The following ZBTB20 variants were observed in gnomAD, a reference collection of about 807,000 sequenced individuals.
ZBTB20 encodes zinc finger and BTB domain containing 20.
ZBTB20 carries 9 observed loss-of-function variants against 56.9 expected under a neutral mutation model. That is an observed-to-expected ratio of 0.16 (90% CI 0.10 to 0.28). The LOEUF (loss-of-function observed/expected upper bound fraction) is 0.28, where lower values mean the gene tolerates loss of function less well. Ranked by LOEUF, ZBTB20 falls within the 10% of genes least tolerant of loss-of-function variation. The probability of loss-of-function intolerance (pLI) is 1.00; values close to 1 mark genes in which losing one functional copy is unlikely to be tolerated. For missense variants in ZBTB20, 655 were observed against 1,003.0 expected (o/e 0.65, Z 4.69); for synonymous variants, 417 against 420.7 (o/e 0.99, Z 0.11).
At chr3:114,882,387 T>A (rs2076431297) in intron 4 of ZBTB20, among the ~76,000 whole-genome samples, 1 of 151,976 alleles carries the variant, frequency 6.6e-6, no homozygotes, top group Admixed American at 6.5e-5. Flanking sequence ...GAAGGAAAAT[T>A]TTTAACAGGC....
At chr3:114,418,759 A>G (rs1165527427) in intron 7 of ZBTB20, among the ~76,000 whole-genome samples, 1 of 152,096 alleles carries the variant, frequency 6.6e-6, no homozygotes, top group African/African-American at 2.4e-5. Context: ...TACTTTCAAT[A>G]TAATTATAAG....
At chr3:115,108,830 A>G (rs1232901775) in intron 1 of ZBTB20, among the ~76,000 whole-genome samples, 1 of 152,132 alleles carries the variant, frequency 6.6e-6, no homozygotes, top group Non-Finnish European at 1.5e-5. Flanking sequence ...AGAATGACTC[A>G]TATCTATATA....
chr3:114,674,421 T>G (rs1228411526), intron 6 of ZBTB20, among the ~76,000 whole-genome samples: 1 of 152,206 alleles, frequency 6.6e-6, no homozygotes, highest in East Asian at 1.9e-4. Context: ...AAAGAGGTAC[T>G]GTACTTACAT....
chr3:114,392,992 C>T (rs2086015701), intron 7 of ZBTB20, among the ~76,000 whole-genome samples: 1 of 152,198 alleles, frequency 6.6e-6, no homozygotes, highest in African/African-American at 2.4e-5. Flanking sequence ...ACTACAAGAC[C>T]TCATCTGCAT....
intron 4 of ZBTB20, among the ~76,000 whole-genome samples, chr3:114,867,165 A>T (rs2075799162): frequency 6.6e-6 from 1 of 152,120 alleles, no homozygotes; most frequent in Non-Finnish European, 1.5e-5. Flanking sequence ...TTAAGAGAGG[A>T]GCAGGGGTAG....
At chr3:114,893,556 G>A (rs2076899338) in intron 4 of ZBTB20, among the ~76,000 whole-genome samples, 1 of 152,172 alleles carries the variant, frequency 6.6e-6, no homozygotes, top group Non-Finnish European at 1.5e-5. Flanking sequence ...CAATAAGCCT[G>A]TGGCCAGGGT....
chr3:115,077,505 A>G (rs56207312), intron 1 of ZBTB20, among the ~76,000 whole-genome samples: 10,559 of 152,332 alleles, frequency 0.069, 520 homozygotes, highest in Non-Finnish European at 0.11. Flanking sequence ...CAGCCTCCAG[A>G]ACTACGAGTA....
intron 1 of ZBTB20, among the ~76,000 whole-genome samples, chr3:115,132,462 AAG>A (rs1201663808): frequency 1.3e-5 from 2 of 152,212 alleles, no homozygotes; most frequent in African/African-American, 4.8e-5. Flanking sequence ...TATCATCAGC[AAG>A]AGACACCTGA....
intron 4 of ZBTB20, among the ~76,000 whole-genome samples, chr3:114,841,409 A>C (rs912551997): frequency 1.3e-5 from 2 of 152,182 alleles, no homozygotes; most frequent in African/African-American, 4.8e-5. Context: ...ATAGAATGCT[A>C]GGGGGAAAGG....
chr3:114,483,168 T>G (rs2041738069), intron 7 of ZBTB20, among the ~76,000 whole-genome samples: 1 of 152,206 alleles, frequency 6.6e-6, no homozygotes, highest in African/African-American at 2.4e-5. Flanking sequence ...TTTTCATATT[T>G]AACTTTAATT....
At chr3:114,644,488 G>A (rs188106542) in intron 6 of ZBTB20, among the ~76,000 whole-genome samples, 17 of 152,124 alleles carry the variant, frequency 1.1e-4, no homozygotes, top group Middle Eastern at 3.4e-3. Context: ...ATGTTGCCAC[G>A]GTTGTCAATA....
chr3:114,702,007 A>T (rs2063413555), intron 5 of ZBTB20, among the ~76,000 whole-genome samples: 6 of 152,204 alleles, frequency 3.9e-5, no homozygotes. Flanking sequence ...GAAGATTTAT[A>T]TTAGGAGAAA....
In ZBTB20 at chr3:114,327,454, A is replaced by G. The variant is rs117476639; in HGVS notation, c.*11551T>C. 12 of 152,306 alleles carry G rather than the reference A, an allele frequency of 7.9e-5. No individual in the cohort carries two copies. In the East Asian group the frequency reaches 2.1e-3, roughly 27 times the overall value. The allele number at this position is 152,306 out of a possible 1,614,324, so 9.4% of individuals were successfully genotyped here. On this transcript the variant is annotated 3_prime_UTR_variant, in exon 12 of 12. Coordinates refer to ENST00000675478, the MANE Select transcript of ZBTB20 (RefSeq NM_001348800.3). ...ATAAAGAGTACTTTAAGAAAAAAAA[A>G]ATACCAGGAGTTAGAATGGACAAAG...
intron 7 of ZBTB20, among the ~76,000 whole-genome samples, chr3:114,457,627 C>T (rs2092098874): frequency 6.6e-6 from 1 of 152,064 alleles, no homozygotes; most frequent in African/African-American, 2.4e-5. Context: ...ATAATGATGG[C>T]CAACATATTA....
chr3:114,574,663 T>A (rs901580575), intron 6 of ZBTB20, among the ~76,000 whole-genome samples: 1 of 152,244 alleles, frequency 6.6e-6, no homozygotes, highest in African/African-American at 2.4e-5. Flanking sequence ...TACCTTGCTC[T>A]GAATGATGGC....
At chr3:114,884,437 G>C (rs1046614510) in intron 4 of ZBTB20, among the ~76,000 whole-genome samples, 4 of 152,058 alleles carry the variant, frequency 2.6e-5, no homozygotes, top group African/African-American at 9.7e-5. Flanking sequence ...TTTTCACATA[G>C]TATCAGCCTG....
chr3:114,885,369 C>A (rs1252966833), intron 4 of ZBTB20, among the ~76,000 whole-genome samples: 1 of 152,172 alleles, frequency 6.6e-6, no homozygotes, highest in Non-Finnish European at 1.5e-5. Flanking sequence ...AGGACACCTA[C>A]ACCCTGCCTC....
At chr3:114,819,195 T>C (rs761989747) in intron 4 of ZBTB20, among the ~76,000 whole-genome samples, 8 of 151,974 alleles carry the variant, frequency 5.3e-5, no homozygotes, top group Non-Finnish European at 1.0e-4. Flanking sequence ...TGGGGATCTA[T>C]ATGAATAAAA....
At chr3:114,804,912 T>G (rs1415106633) in intron 4 of ZBTB20, among the ~76,000 whole-genome samples, 1 of 151,948 alleles carries the variant, frequency 6.6e-6, no homozygotes, top group Non-Finnish European at 1.5e-5. Context: ...CTGTCCATGT[T>G]AAATGATTGA....
Sources: allele counts gnomAD v4.1 joint callset (sites outside exome capture counted in the v4.1 genomes callset), GRCh38; gene constraint gnomAD v4.1.1; transcripts MANE v1.5; gene names NCBI Gene and HGNC (gene_info 2026-07-23, HGNC 2026-07-21).